The following ZC3H12B variants were observed in gnomAD, a reference collection of about 807,000 sequenced individuals.
The protein encoded by ZC3H12B is probable ribonuclease ZC3H12B.
In ZC3H12B, 7 loss-of-function variants were observed where a neutral mutation model predicts 43.9. The ratio of observed to expected loss-of-function variants is 0.16; its 90% confidence interval spans 0.09 to 0.30. The LOEUF is 0.30. Ranked by LOEUF, ZC3H12B falls within the 10% of genes least tolerant of loss-of-function variation. The probability of loss-of-function intolerance (pLI) is 1.00; values close to 1 mark genes in which losing one functional copy is unlikely to be tolerated. For synonymous variants in ZC3H12B, 222 were observed against 241.7 expected (o/e 0.92, Z 0.76); for missense variants, 475 against 670.2 (o/e 0.71, Z 3.22).
At chrX:65,425,031 A>G (rs767094487) in intron 3 of ZC3H12B, among the ~76,000 whole-genome samples, 2 of 111,898 alleles carry the variant, frequency 1.8e-5, no homozygotes, top group Non-Finnish European at 3.8e-5. Flanking sequence ...TGGGAATAGC[A>G]TTGACTCTAT....
chrX:65,476,947 G>A (rs4357440), intron 3 of ZC3H12B, among the ~76,000 whole-genome samples: 12,669 of 105,818 alleles, frequency 0.12, 2,012 homozygotes, highest in African/African-American at 0.41. Flanking sequence ...TAAGCCTCCC[G>A]AGTAGCTGGG....
At chrX:65,035,393 C>T in the ZC3H12B span, among the ~76,000 whole-genome samples, 9 of 112,489 alleles carry the variant, frequency 8.0e-5, no homozygotes, top group African/African-American at 2.9e-4. Context: ...CATCTGCTCG[C>T]GGCTCTCTAT....
chrX:65,369,290 C>A (rs2066214416), intron 2 of ZC3H12B, among the ~76,000 whole-genome samples: 1 of 111,567 alleles, frequency 9.0e-6, no homozygotes, highest in Admixed American at 9.6e-5. Flanking sequence ...AAATCAAGTA[C>A]CAAGAGCTTT....
At chrX:65,079,530 G>A in the ZC3H12B span, among the ~76,000 whole-genome samples, 9 of 112,405 alleles carry the variant, frequency 8.0e-5, no homozygotes, top group African/African-American at 2.9e-4. Flanking sequence ...TTGGAGTGCA[G>A]GAAGAGACTC....
At chrX:65,491,421 T>C (rs1378656975) in intron 1 of ZC3H12B, among the ~76,000 whole-genome samples, 1 of 111,531 alleles carries the variant, frequency 9.0e-6, no homozygotes, top group Non-Finnish European at 1.9e-5. Context: ...ATTAAGAATA[T>C]TTGGGCCAGG....
the ZC3H12B span, among the ~76,000 whole-genome samples, chrX:65,152,401 A>C: frequency 5.8e-4 from 65 of 111,893 alleles, 1 homozygote; most frequent in African/African-American, 2.1e-3. Context: ...ATACAAAATC[A>C]ATGTACAAAA....
the ZC3H12B span, among the ~76,000 whole-genome samples, chrX:65,345,816 C>A: frequency 8.9e-6 from 1 of 111,979 alleles, no homozygotes; most frequent in African/African-American, 3.2e-5. Context: ...GGTAACATTT[C>A]TTTACATCAA....
chrX:65,214,775 T>C, the ZC3H12B span, among the ~76,000 whole-genome samples: 1 of 111,613 alleles, frequency 9.0e-6, no homozygotes, highest in African/African-American at 3.2e-5. Flanking sequence ...TTCCAGAGGG[T>C]TTCAGTTTAA....
At chrX:65,373,751 G>A (rs1382176812) in intron 2 of ZC3H12B, among the ~76,000 whole-genome samples, 1 of 92,766 alleles carries the variant, frequency 1.1e-5, no homozygotes, top group Non-Finnish European at 2.1e-5. Flanking sequence ...TGGGGTGGTG[G>A]GAGGGGGGAG....
chrX:65,203,509 G>T, the ZC3H12B span, among the ~76,000 whole-genome samples: 54 of 110,130 alleles, frequency 4.9e-4, no homozygotes, highest in East Asian at 7.5e-3. Flanking sequence ...GCCCAGAGTG[G>T]GTCTAGAAGT....
chrX:65,211,685 A>G, the ZC3H12B span, among the ~76,000 whole-genome samples: 54 of 88,375 alleles, frequency 6.1e-4, no homozygotes, highest in Non-Finnish European at 9.9e-4. Context: ...ATAATTATAT[A>G]TATAATATTA....
chrX:65,382,609 C>G (rs1164439626), intron 2 of ZC3H12B, among the ~76,000 whole-genome samples: 2 of 111,271 alleles, frequency 1.8e-5, no homozygotes, highest in African/African-American at 3.3e-5. Context: ...CTAGGGCAAT[C>G]AGGCAGGAGA....
chrX:65,379,471 T>A (rs2066403463), intron 2 of ZC3H12B, among the ~76,000 whole-genome samples: 1 of 111,668 alleles, frequency 9.0e-6, no homozygotes, highest in South Asian at 3.7e-4. Flanking sequence ...CACCATCATC[T>A]AAGACCAAAA....
At chrX:65,062,740 TA>T in the ZC3H12B span, among the ~76,000 whole-genome samples, 2 of 112,144 alleles carry the variant, frequency 1.8e-5, no homozygotes, top group Non-Finnish European at 3.8e-5. Flanking sequence ...ATCTATAAAT[TA>T]CTTTGGACTG....
the ZC3H12B span, among the ~76,000 whole-genome samples, chrX:65,311,569 T>G: frequency 1.8e-5 from 2 of 111,963 alleles, no homozygotes; most frequent in East Asian, 5.6e-4. Flanking sequence ...GTTCAACCAT[T>G]GTGGAAGACA....
chrX:65,274,031 T>A, the ZC3H12B span, among the ~76,000 whole-genome samples: 1 of 111,726 alleles, frequency 9.0e-6, no homozygotes, highest in Non-Finnish European at 1.9e-5. Context: ...GCTGTGGTTA[T>A]TGGAAGTATA....
chrX:65,379,239 C>T lies in ZC3H12B; in HGVS notation n.295+10241C>T, dbSNP rs759121770. 2.5e-3 allele frequency among the ~76,000 whole-genome samples: 282 copies of T among 111,734 alleles called. 1 individual carries two copies. Among genetic ancestry groups the T allele is most frequent in the South Asian group, 0.014 (37 of 2,659 alleles). ...AGCTTTGAAGAGAGCAGTGGTTCTCCCAGCACGCAGCTGGAGATCCGAGAA... is the reference window on the plus strand; with the variant it reads ...AGCTTTGAAGAGAGCAGTGGTTCTCTCAGCACGCAGCTGGAGATCCGAGAA... On this transcript the variant is annotated intron_variant and non_coding_transcript_variant, in intron 2 of 5. Coordinates refer to the ZC3H12B transcript ENST00000617377.
At chrX:65,299,266 G>T in the ZC3H12B span, among the ~76,000 whole-genome samples, 9 of 111,872 alleles carry the variant, frequency 8.0e-5, no homozygotes, top group Non-Finnish European at 1.7e-4. Flanking sequence ...CAAGAGAAAG[G>T]AATATTTTTT....
chrX:65,124,149 A>G, the ZC3H12B span, among the ~76,000 whole-genome samples: 3 of 110,771 alleles, frequency 2.7e-5, no homozygotes, highest in Non-Finnish European at 5.7e-5. Context: ...CTTTTATTAC[A>G]TTAAGTTATG....
Sources: allele counts gnomAD v4.1 joint callset (sites outside exome capture counted in the v4.1 genomes callset), GRCh38; gene constraint gnomAD v4.1.1; transcripts MANE v1.5; gene names NCBI Gene and HGNC (gene_info 2026-07-23, HGNC 2026-07-21).